ZBTB17: variants seen among roughly 807,000 people sequenced by gnomAD.
ZBTB17 encodes zinc finger and BTB domain-containing protein 17.
In ZBTB17, 24 loss-of-function variants were observed where a neutral mutation model predicts 85.1. That is an observed-to-expected ratio of 0.28 (90% CI 0.20 to 0.40). The LOEUF (loss-of-function observed/expected upper bound fraction) is 0.40, where lower values mean the gene tolerates loss of function less well. Ranked by LOEUF, ZBTB17 falls within the 10% of genes least tolerant of loss-of-function variation. The probability of loss-of-function intolerance (pLI) is 1.00; values close to 1 mark genes in which losing one functional copy is unlikely to be tolerated. For missense variants in ZBTB17, 743 were observed against 1,105.1 expected (o/e 0.67, Z 4.65); for synonymous variants, 464 against 460.2 (o/e 1.01, Z -0.11).
At chr1:15,975,694 G>A (rs1023009009) in intron 1 of ZBTB17, among the ~76,000 whole-genome samples, 1 of 152,140 alleles carries the variant, frequency 6.6e-6, no homozygotes, top group Admixed American at 6.5e-5. Context: ...GGCGGGGGCG[G>A]AGATGCTACC....
chr1:15,948,040 G>A (rs2071685896), intron 3 of ZBTB17: 1 of 562,416 alleles, frequency 1.8e-6, no homozygotes, highest in Non-Finnish European at 3.2e-6. Context: ...CCTTTCCTGT[G>A]TTCACTGCGG....
chr1:15,954,435 T>C (rs2071973630), intron 2 of ZBTB17, among the ~76,000 whole-genome samples: 1 of 152,188 alleles, frequency 6.6e-6, no homozygotes, highest in Admixed American at 6.5e-5. Context: ...TGCTCCCAGC[T>C]CTGAGCCTTG....
chr1:15,969,509 G>A (rs2072563355), intron 2 of ZBTB17: 11 of 283,466 alleles, frequency 3.9e-5, no homozygotes, highest in South Asian at 3.0e-4. Context: ...GTGCACGGGG[G>A]CCGAGGGGGC....
Position 15,946,290 on chromosome 1 carries a change from C to T in ZBTB17, c.399G>A (p.Gly133=), listed in dbSNP as rs763573425. The stretch of plus-strand genomic sequence containing the variant: ...CCTTCTCCTCTTTGGCTCTCTTGTC[C>T]CCTCCTGGAGATGGAACAGGGCAGA... ...GNAEALATEG[G]DKRAKEEKVA... is the part of the protein sequence containing the mutation. Residue 133 remains glycine (G), a synonymous_variant, in exon 5 of 16, where the codon GGG becomes GGA. Transcript: ENST00000375743. 12 of 1,612,604 alleles carry T rather than the reference C, an allele frequency of 7.4e-6. No homozygotes were observed. Among genetic ancestry groups the T allele is most frequent in the Non-Finnish European group, 1.0e-5 (12 of 1,178,958 alleles).
At chr1:15,969,965 TC>T in intron 2 of ZBTB17, 1 of 828,862 alleles carries the variant, frequency 1.2e-6, no homozygotes, top group Non-Finnish European at 1.9e-6. Flanking sequence ...GCTGGTGGCT[TC>T]CCACTGGGGA....
chr1:15,945,350 T>C, intron 6 of ZBTB17, 148 bp from the exon 7 acceptor site: 1 of 1,423,852 alleles, frequency 7.0e-7, no homozygotes, highest in Non-Finnish European at 9.2e-7. Flanking sequence ...GGGTATTTGC[T>C]GCTTGCGGGA....
intron 2 of ZBTB17, among the ~76,000 whole-genome samples, chr1:15,955,356 A>T (rs1415181297): frequency 6.6e-6 from 1 of 152,182 alleles, no homozygotes; most frequent in African/African-American, 2.4e-5. Context: ...CTCACCCAGC[A>T]AACACTCTTC....
chr1:15,964,686 C>T lies in ZBTB17; in HGVS notation c.-3+8353G>A, dbSNP rs550070302. On this transcript the variant is annotated intron_variant, in intron 2 of 15. Coordinates refer to ENST00000375743, the MANE Select transcript of ZBTB17 (RefSeq NM_003443.3). The surrounding 1 kb of genome is among the most constrained non-coding windows in gnomAD (Gnocchi z 4.3). ...GAGCCAAGATCACACCACTGCACTA[C>T]AGCCTGGGTGACAGAGCGAGACCCT... is the stretch of plus-strand genomic sequence containing the variant. Among the ~76,000 whole-genome samples the T allele has an allele frequency of 6.6e-6, 1 of 152,242 alleles. No individual in the cohort carries two copies. Among genetic ancestry groups the T allele is most frequent in the South Asian group, 2.1e-4 (1 of 4,820 alleles).
intron 2 of ZBTB17, among the ~76,000 whole-genome samples, chr1:15,959,736 G>A (rs2072188940): frequency 6.6e-6 from 1 of 151,946 alleles, no homozygotes; most frequent in East Asian, 1.9e-4. Context: ...TCACACCACT[G>A]CACTCCAGCA....
At chr1:15,947,244 A>G (rs1173966492) in intron 3 of ZBTB17, 121 bp from the exon 4 acceptor site, 2 of 1,000,374 alleles carry the variant, frequency 2.0e-6, no homozygotes, top group East Asian at 5.3e-5. Flanking sequence ...GCAAGCCTGC[A>G]TCGCCCCATC....
chr1:15,975,867 C>A (rs1384846497), intron 1 of ZBTB17, 116 bp downstream of exon 1: 2 of 546,206 alleles, frequency 3.7e-6, no homozygotes, highest in South Asian at 1.7e-5. Flanking sequence ...CGTCCCATTC[C>A]ACTTCCCTCC....
rs1250066604 is a variant in ZBTB17 at position 15,952,051 on chromosome 1, TG to T, written c.-2-3555del. Among the ~76,000 whole-genome samples the T allele has an allele frequency of 6.6e-6, 1 of 152,192 alleles. No homozygotes were observed. Among genetic ancestry groups the T allele is most frequent in the Non-Finnish European group, 1.5e-5 (1 of 68,036 alleles). ...GTGGTCTTGTCTTCACCTTGCGTGA[TG>T]GGCGATAAATATGTGCACTAGTTAA... is the stretch of plus-strand genomic sequence containing the variant. On this transcript the variant is annotated intron_variant, in intron 2 of 15. Transcript: ENST00000375743. The surrounding 1 kb of genome is among the most constrained non-coding windows in gnomAD (Gnocchi z 4.3).
intron 2 of ZBTB17, among the ~76,000 whole-genome samples, chr1:15,963,637 C>T (rs2072335466): frequency 6.6e-6 from 1 of 152,180 alleles, no homozygotes; most frequent in African/African-American, 2.4e-5. Context: ...TAATGATTAG[C>T]AGTCCCCCAA....
chr1:15,970,635 G>A (rs1465972941), intron 2 of ZBTB17, among the ~76,000 whole-genome samples: 5 of 151,884 alleles, frequency 3.3e-5, no homozygotes, highest in African/African-American at 1.2e-4. Context: ...TGCAACCTCC[G>A]CTTCCCAGGT....
At chr1:15,944,253 G>A (rs1367870953) in intron 9 of ZBTB17, 47 bp downstream of exon 9, 60 of 1,546,098 alleles carry the variant, frequency 3.9e-5, no homozygotes, top group Non-Finnish European at 5.0e-5. Context: ...ATGCGGCTGC[G>A]GCCACCGGCG....
rs2071815148 is a variant in ZBTB17, at chr1:15,951,035, C to T, written c.-2-2538G>A. On this transcript the variant is annotated intron_variant, in intron 2 of 15. Transcript: ENST00000375743. The surrounding 1 kb of genome is among the most constrained non-coding windows in gnomAD (Gnocchi z 4.1). ...ACAGGGTGGGTGGTGGCCCAGCCCCCCACATACCACCACCCGCCAAGAGAG... is the reference window on the plus strand; with the variant it reads ...ACAGGGTGGGTGGTGGCCCAGCCCCTCACATACCACCACCCGCCAAGAGAG... 6.6e-6 allele frequency among the ~76,000 whole-genome samples: 1 copy of T among 152,146 alleles called. No individual in the cohort carries two copies.
intron 3 of ZBTB17, among the ~76,000 whole-genome samples, chr1:15,947,542 C>T (rs1010683367): frequency 6.6e-6 from 1 of 151,792 alleles, no homozygotes; most frequent in African/African-American, 2.4e-5. Flanking sequence ...TATAAATGCC[C>T]ATCCTGCAGG....
At chr1:15,944,199 G>A (rs1261233795) in intron 9 of ZBTB17, 101 bp downstream of exon 9, 5 of 1,468,094 alleles carry the variant, frequency 3.4e-6, no homozygotes, top group Non-Finnish European at 4.6e-6. Flanking sequence ...TGAGCTCCTG[G>A]AGGCCGGGGC....
Position 15,951,093 on chromosome 1 carries a change from G to A in ZBTB17, c.-2-2596C>T, listed in dbSNP as rs1180723194. On this transcript the variant is annotated intron_variant, in intron 2 of 15. Transcript: ENST00000375743. This position sits in a 1 kb window ranked among gnomAD's most constrained non-coding sequence, Gnocchi z 4.1. ...GTGCCCATGAGCAACATTTTCCACC[G>A]TGCTGACTGCACTTTTCCAATGCAA... Among the ~76,000 whole-genome samples, 7 of 152,166 alleles carry A rather than the reference G, an allele frequency of 4.6e-5. No individual in the cohort carries two copies.
Sources: allele counts gnomAD v4.1 joint callset (sites outside exome capture counted in the v4.1 genomes callset), GRCh38; gene constraint gnomAD v4.1.1; non-coding constraint Gnocchi (gnomAD v3.1); transcripts MANE v1.5; gene names NCBI Gene and HGNC (gene_info 2026-07-23, HGNC 2026-07-21).